The following FOXJ3 variants were observed in gnomAD, a reference collection of about 807,000 sequenced individuals.
The protein encoded by FOXJ3 is forkhead box J3.
In FOXJ3, 22 loss-of-function variants were observed where a neutral mutation model predicts 76.1. The observed-to-expected ratio is 0.29, with a 90% CI of 0.21 to 0.41. The LOEUF (loss-of-function observed/expected upper bound fraction) is 0.41, where lower values mean the gene tolerates loss of function less well. Among genes scored for constraint, FOXJ3 ranks in the 10% least tolerant of loss-of-function variants. The pLI, the probability that FOXJ3 is intolerant of heterozygous loss-of-function variation, is 1.00. For synonymous variants in FOXJ3, 269 were observed against 261.2 expected (o/e 1.03, Z -0.29); for missense variants, 613 against 762.1 (o/e 0.80, Z 2.30).
chr1:42,247,045 AAAT>A (rs1264948527), intron 4 of FOXJ3, among the ~76,000 whole-genome samples: 1 of 152,136 alleles, frequency 6.6e-6, no homozygotes, highest in African/African-American at 2.4e-5. Flanking sequence ...TGCTGGGTGA[AAAT>A]AAGTTTATTA....
At chr1:42,272,704 T>A (rs897413730) in intron 3 of FOXJ3, among the ~76,000 whole-genome samples, 1 of 152,228 alleles carries the variant, frequency 6.6e-6, no homozygotes, top group African/African-American at 2.4e-5. Flanking sequence ...CGGCAAGGAG[T>A]ATCAGCAGAA....
intron 2 of FOXJ3, chr1:42,280,396 A>T: frequency 1.1e-6 from 1 of 915,512 alleles, no homozygotes; most frequent in Non-Finnish European, 1.3e-6. Context: ...ATTCCTCTGA[A>T]CCTGAACTTT....
At chr1:42,231,813 G>C (rs1457881365) in intron 4 of FOXJ3, among the ~76,000 whole-genome samples, 1 of 151,810 alleles carries the variant, frequency 6.6e-6, no homozygotes, top group Non-Finnish European at 1.5e-5. Context: ...TTTTTGTTTT[G>C]TTTTATACTT....
intron 1 of FOXJ3, among the ~76,000 whole-genome samples, chr1:42,313,281 G>A (rs1186980005): frequency 6.6e-6 from 1 of 150,544 alleles, no homozygotes; most frequent in African/African-American, 2.5e-5. Context: ...AGGTTGCAGT[G>A]AGCCAAGATC....
At chr1:42,265,724 AC>A (rs932297372) in intron 3 of FOXJ3, among the ~76,000 whole-genome samples, 1 of 152,198 alleles carries the variant, frequency 6.6e-6, no homozygotes, top group Non-Finnish European at 1.5e-5. Flanking sequence ...CTTTAAAAAA[AC>A]ATTCACTGCT....
At position 42,317,204 on chromosome 1, in the gene FOXJ3, T is replaced by C. The variant is rs562004273; in HGVS notation, c.-17-6094A>G. ...AAACAACCCCTTTGATTCAAGAAAC[T>C]TGACTGAACATTTCAGATTATTATA... On this transcript the variant is annotated intron_variant, in intron 1 of 12. Transcript: ENST00000361346. Among the ~76,000 whole-genome samples, 28 of 152,264 alleles carry C rather than the reference T, an allele frequency of 1.8e-4. No homozygotes were observed. The South Asian group carries it at 5.6e-3, about 30-fold the overall frequency.
At chr1:42,313,779 G>A (rs910067086) in intron 1 of FOXJ3, among the ~76,000 whole-genome samples, 40 of 152,078 alleles carry the variant, frequency 2.6e-4, no homozygotes, top group African/African-American at 6.5e-4. Context: ...TCATGGTTTC[G>A]TACACAGCAG....
At chr1:42,269,201 T>C (rs1651694929) in intron 3 of FOXJ3, among the ~76,000 whole-genome samples, 1 of 151,864 alleles carries the variant, frequency 6.6e-6, no homozygotes, top group Non-Finnish European at 1.5e-5. Context: ...GGCGATAAAA[T>C]GGAATCATAA....
intron 1 of FOXJ3, among the ~76,000 whole-genome samples, chr1:42,317,941 CCA>C (rs1043391316): frequency 6.6e-6 from 1 of 152,092 alleles, no homozygotes; most frequent in African/African-American, 2.4e-5. Context: ...TATTTCTCCC[CCA>C]TCAGAATGTG....
rs71065173 is a variant in FOXJ3, at chr1:42,316,333, C to CTTTTTT, written c.-17-5229_-17-5224dup. 8.1e-5 allele frequency among the ~76,000 whole-genome samples: 6 copies of CTTTTTT among 73,916 alleles called. 1 individual carries two copies. Among genetic ancestry groups the CTTTTTT allele is most frequent in the African/African-American group, 1.3e-4 (3 of 23,040 alleles). 48.5% of individuals were successfully genotyped at this position (73,916 alleles called of 152,430 possible). A position where few individuals can be genotyped will look rare whatever the true frequency, so the allele number is the denominator to read the frequency against. ...ACAGGTGCACACCACTGCATTGGGC[C>CTTTTTT]TTTTTTTTTTTTTTTTCTGTAGAAA... On this transcript the variant is annotated intron_variant, in intron 1 of 12. Coordinates refer to ENST00000361346, the MANE Select transcript of FOXJ3 (RefSeq NM_014947.5).
At chr1:42,297,575 G>T (rs1249344829) in intron 2 of FOXJ3, among the ~76,000 whole-genome samples, 1 of 152,094 alleles carries the variant, frequency 6.6e-6, no homozygotes, top group African/African-American at 2.4e-5. Context: ...TTATTGATTT[G>T]CATATGCTTA....
chr1:42,216,208 G>A (rs1647061045), intron 5 of FOXJ3, among the ~76,000 whole-genome samples: 1 of 152,124 alleles, frequency 6.6e-6, no homozygotes, highest in African/African-American at 2.4e-5. Context: ...AGAAATGGTA[G>A]ACACTGGCTA....
rs570376008 is a variant in FOXJ3 at position 42,183,956 on chromosome 1, T to C, written c.1646-1932A>G. 5.3e-5 allele frequency among the ~76,000 whole-genome samples: 8 copies of C among 152,242 alleles called. No homozygotes were observed. In the South Asian group the frequency reaches 1.7e-3, roughly 32 times the overall value. On this transcript the variant is annotated intron_variant, in intron 11 of 12. Transcript: ENST00000361346. ...CCCATGATAACATGCCTTTTATCAG[T>C]GAAGTTTATAGTCAGAACTGACCTC...
In FOXJ3 at chr1:42,287,321, C is replaced by T. The variant is rs540187204; in HGVS notation, c.45-8649G>A. Among the ~76,000 whole-genome samples the T allele has an allele frequency of 3.0e-3, 460 of 152,134 alleles. 3 individuals are homozygous for T. Among genetic ancestry groups the T allele is most frequent in the African/African-American group, 0.011 (445 of 41,500 alleles). Reference sequence around the variant, plus strand: ...CACCACTGCACTCCAGCCTGGGTGACAGAGTGAGACTCCATCTTAAAAAAA... The same window carrying T: ...CACCACTGCACTCCAGCCTGGGTGATAGAGTGAGACTCCATCTTAAAAAAA... On this transcript the variant is annotated intron_variant, in intron 2 of 12. Coordinates refer to ENST00000361346, the MANE Select transcript of FOXJ3 (RefSeq NM_014947.5).
At chr1:42,332,784 C>A (rs1656238507) in intron 1 of FOXJ3, among the ~76,000 whole-genome samples, 1 of 152,186 alleles carries the variant, frequency 6.6e-6, no homozygotes, top group Admixed American at 6.5e-5. Flanking sequence ...ATTGCCACTT[C>A]TCTCGCTTTG....
At chr1:42,309,966 A>C (rs758603490) in intron 2 of FOXJ3, among the ~76,000 whole-genome samples, 6 of 152,256 alleles carry the variant, frequency 3.9e-5, no homozygotes, top group Non-Finnish European at 8.8e-5. Flanking sequence ...TGTACACAAC[A>C]CAACAGTTCC....
At chr1:42,267,468 A>T (rs867410047) in intron 3 of FOXJ3, among the ~76,000 whole-genome samples, 10 of 152,304 alleles carry the variant, frequency 6.6e-5, no homozygotes, top group Middle Eastern at 3.4e-3. Flanking sequence ...AATCCCCACA[A>T]GAACGGCCTG....
intron 11 of FOXJ3, among the ~76,000 whole-genome samples, chr1:42,182,857 C>T (rs1646352370): frequency 6.6e-6 from 1 of 152,204 alleles, no homozygotes; most frequent in Non-Finnish European, 1.5e-5. Flanking sequence ...TTCTCACCCT[C>T]GAAGCAGGCC....
chr1:42,248,730 C>CT (rs4019587), intron 4 of FOXJ3, among the ~76,000 whole-genome samples: 3,430 of 92,202 alleles, frequency 0.037, 96 homozygotes, highest in South Asian at 0.069. Context: ...CCTGTTTTTT[C>CT]TTTTTTTTTT....
Sources: gnomAD v4.1 joint callset for allele counts (sites outside exome capture counted in the v4.1 genomes callset) on GRCh38, gnomAD v4.1.1 for gene constraint, MANE v1.5 for transcripts, NCBI Gene and HGNC (gene_info 2026-07-23, HGNC 2026-07-21) for gene names.